Variants in ADAMTSL1 observed in about 807,000 individuals in gnomAD.
ADAMTSL1 encodes ADAMTS-like protein 1.
Under a neutral mutation model 201.8 loss-of-function variants are expected in ADAMTSL1, and 126 were observed. That is an observed-to-expected ratio of 0.62 (90% confidence interval 0.54 to 0.72). ADAMTSL1 has a LOEUF of 0.72. Among genes scored for constraint, ADAMTSL1 ranks in the 30% least tolerant of loss-of-function variants. ADAMTSL1 has a pLI of 0.00. For synonymous variants in ADAMTSL1, 1,121 were observed against 903.4 expected (o/e 1.24, Z -4.32); for missense variants, 2,679 against 2,277.8 (o/e 1.18, Z -3.59).
chr9:18,818,672 A>T (rs1824013305), intron 21 of ADAMTSL1, among the ~76,000 whole-genome samples: 1 of 152,076 alleles, frequency 6.6e-6, no homozygotes, highest in Non-Finnish European at 1.5e-5. Flanking sequence ...GCATGCCTAT[A>T]GTCTCAGCTG....
intron 1 of ADAMTSL1, among the ~76,000 whole-genome samples, chr9:17,919,699 C>T (rs1826232252): frequency 6.6e-6 from 1 of 152,038 alleles, no homozygotes; most frequent in African/African-American, 2.4e-5. Context: ...GAATATAACA[C>T]ATTTTGTTTA....
chr9:17,908,615 C>G (rs537228126), intron 1 of ADAMTSL1, among the ~76,000 whole-genome samples: 1 of 152,080 alleles, frequency 6.6e-6, no homozygotes, highest in Non-Finnish European at 1.5e-5. Flanking sequence ...TGCCACGACG[C>G]CTGGCTAATT....
chr9:18,807,370 C>A (rs567330869), intron 20 of ADAMTSL1, among the ~76,000 whole-genome samples: 1 of 152,246 alleles, frequency 6.6e-6, no homozygotes, highest in South Asian at 2.1e-4. Context: ...ACAGGCCGGG[C>A]GCGGTAGCTC....
At chr9:18,803,528 A>G (rs1051132867) in intron 20 of ADAMTSL1, among the ~76,000 whole-genome samples, 1 of 152,190 alleles carries the variant, frequency 6.6e-6, no homozygotes, top group African/African-American at 2.4e-5. Context: ...ATTATGACAT[A>G]AACATCTTGG....
chr9:18,484,586 T>C (rs1472058047), intron 1 of ADAMTSL1, among the ~76,000 whole-genome samples: 6 of 152,180 alleles, frequency 3.9e-5, no homozygotes, highest in South Asian at 2.1e-4. Context: ...TATGCTAAAG[T>C]AGTAAAACCT....
intron 1 of ADAMTSL1, among the ~76,000 whole-genome samples, chr9:18,095,197 A>T (rs1358226744): frequency 6.6e-6 from 1 of 152,132 alleles, no homozygotes; most frequent in Admixed American, 6.5e-5. Flanking sequence ...ATCATCTTAC[A>T]CACATGCTCT....
At chr9:18,675,327 A>G (rs1360567) in intron 9 of ADAMTSL1, among the ~76,000 whole-genome samples, 62,070 of 151,944 alleles carry the variant, frequency 0.41, 12,804 homozygotes, top group African/African-American at 0.45. Context: ...CTACTTTCCA[A>G]GTATTAGTGA....
intron 2 of ADAMTSL1, among the ~76,000 whole-genome samples, chr9:18,331,247 C>G (rs1347930891): frequency 6.6e-6 from 1 of 152,178 alleles, no homozygotes; most frequent in Non-Finnish European, 1.5e-5. Flanking sequence ...GTAAGCCAAA[C>G]TGACAGAAAG....
At chr9:17,924,710 G>C (rs1331427307) in intron 1 of ADAMTSL1, among the ~76,000 whole-genome samples, 1 of 147,414 alleles carries the variant, frequency 6.8e-6, no homozygotes, top group Non-Finnish European at 1.5e-5. Flanking sequence ...AACTCAAGAT[G>C]GATTAAAGAT....
chr9:17,992,332 AC>A (rs2131502803), intron 1 of ADAMTSL1, among the ~76,000 whole-genome samples: 1 of 152,138 alleles, frequency 6.6e-6, no homozygotes, highest in South Asian at 2.1e-4. Context: ...AGAAGTGGGT[AC>A]CTCCTAGTAC....
chr9:18,861,003 C>T (rs866950176), intron 23 of ADAMTSL1, among the ~76,000 whole-genome samples: 2 of 152,212 alleles, frequency 1.3e-5, no homozygotes, highest in Non-Finnish European at 2.9e-5. Context: ...ATGCAGAGAT[C>T]ACATACACAT....
At chr9:18,651,817 C>T (rs149082019) in intron 7 of ADAMTSL1, among the ~76,000 whole-genome samples, 112 of 152,050 alleles carry the variant, frequency 7.4e-4, no homozygotes, top group Non-Finnish European at 1.3e-3. Context: ...ATTTAGGATA[C>T]AAAACTTGCT....
At chr9:18,070,393 A>G (rs193117771) in intron 1 of ADAMTSL1, among the ~76,000 whole-genome samples, 2 of 152,278 alleles carry the variant, frequency 1.3e-5, no homozygotes, top group East Asian at 3.9e-4. Context: ...CAGAACGAGA[A>G]GAAATAGGGA....
chr9:18,412,744 C>G (rs1048800246), intron 2 of ADAMTSL1, among the ~76,000 whole-genome samples: 1 of 152,138 alleles, frequency 6.6e-6, no homozygotes, highest in Non-Finnish European at 1.5e-5. Flanking sequence ...TCCATTTATT[C>G]TATTTCCTTT....
intron 2 of ADAMTSL1, among the ~76,000 whole-genome samples, chr9:18,329,133 T>C (rs58472234): frequency 0.021 from 3,195 of 152,180 alleles, 108 homozygotes; most frequent in African/African-American, 0.073. Flanking sequence ...AGTGCCCTTA[T>C]AAAAGAGACC....
chr9:18,289,799 A>G (rs1363937328), intron 2 of ADAMTSL1, among the ~76,000 whole-genome samples: 1 of 152,236 alleles, frequency 6.6e-6, no homozygotes, highest in African/African-American at 2.4e-5. Context: ...GGGCCAAAGT[A>G]TGAAAAACTT....
chr9:18,379,968 G>C (rs1034214990), intron 2 of ADAMTSL1, among the ~76,000 whole-genome samples: 1 of 152,106 alleles, frequency 6.6e-6, no homozygotes, highest in Non-Finnish European at 1.5e-5. Context: ...AAGCACATAC[G>C]GAATGGGATC....
chr9:18,204,121 G>C (rs960207954), intron 2 of ADAMTSL1, among the ~76,000 whole-genome samples: 1 of 152,060 alleles, frequency 6.6e-6, no homozygotes, highest in African/African-American at 2.4e-5. Flanking sequence ...CTGCTCTTTG[G>C]ACATTTTTCA....
At chr9:18,218,639 T>C (rs1318392666) in intron 2 of ADAMTSL1, among the ~76,000 whole-genome samples, 1 of 152,168 alleles carries the variant, frequency 6.6e-6, no homozygotes, top group African/African-American at 2.4e-5. Context: ...CTTATTGATT[T>C]ATATGCATTC....
Sources: allele counts gnomAD v4.1 joint callset (sites outside exome capture counted in the v4.1 genomes callset), GRCh38; gene constraint gnomAD v4.1.1; transcripts MANE v1.5; gene names NCBI Gene and HGNC (gene_info 2026-07-23, HGNC 2026-07-21).